The following FNDC7 variants were observed in gnomAD, a reference collection of about 807,000 sequenced individuals.
FNDC7 encodes fibronectin type III domain-containing protein 7.
In FNDC7, 66 loss-of-function variants were observed where a neutral mutation model predicts 74.2. The ratio of observed to expected loss-of-function variants is 0.89; its 90% CI spans 0.73 to 1.09. The LOEUF is 1.09. FNDC7 is among the 50% of genes least tolerant of loss of function. The pLI is 0.00. For missense variants in FNDC7, 829 were observed against 893.4 expected, an observed-to-expected ratio of 0.93 and a Z score of 0.92; for synonymous variants, 307 against 330.2, an observed-to-expected ratio of 0.93 and a Z score of 0.76.
At chr1:108,729,914 T>C (rs1193286207) in intron 8 of FNDC7, among the ~76,000 whole-genome samples, 2 of 152,200 alleles carry the variant, frequency 1.3e-5, no homozygotes, top group East Asian at 3.8e-4. Flanking sequence ...AATGGGTCCC[T>C]GAAAAGTCAA....
At chr1:108,715,317 A>G (rs1660949597) in intron 2 of FNDC7, among the ~76,000 whole-genome samples, 1 of 152,194 alleles carries the variant, frequency 6.6e-6, no homozygotes, top group South Asian at 2.1e-4. Flanking sequence ...TTGCACATCT[A>G]GGGAATAAAG....
At chr1:108,722,174 A>G (rs1001563956) in intron 4 of FNDC7, among the ~76,000 whole-genome samples, 161 bp from the exon 5 acceptor site, 7 of 152,232 alleles carry the variant, frequency 4.6e-5, no homozygotes, top group African/African-American at 1.7e-4. Context: ...ATGAATTACC[A>G]GTTCCCAGGC....
In FNDC7 at chr1:108,728,866, A is replaced by AC; in HGVS notation, c.1605dup (p.Ser536GlnfsTer49). On this transcript the variant is annotated frameshift_variant, in exon 8 of 13. Transcript: ENST00000370017. LOFTEE classifies it high-confidence loss of function. The stretch of plus-strand genomic sequence containing the variant: ...CAGGCAGGACGGAGCCTGCCCAGCT[A>AC]CAGTGTGCCCCTGGAAACAGGTATG... 1 of 1,614,146 alleles carries AC rather than the reference A, an allele frequency of 6.2e-7. No homozygotes were observed. The highest frequency in any genetic ancestry group is 8.5e-7 in the Non-Finnish European group (1 of 1,180,012).
intron 10 of FNDC7, among the ~76,000 whole-genome samples, chr1:108,733,979 C>T (rs1176027564): frequency 6.6e-6 from 1 of 152,128 alleles, no homozygotes; most frequent in African/African-American, 2.4e-5. Flanking sequence ...ACAGCACAGG[C>T]AGATTCTGGC....
intron 2 of FNDC7, among the ~76,000 whole-genome samples, chr1:108,717,302 G>A (rs543658136): frequency 9.2e-5 from 14 of 152,342 alleles, no homozygotes; most frequent in African/African-American, 3.4e-4. Flanking sequence ...CAGCCACTGA[G>A]CGGAGGCAGG....
Position 108,728,665 on chromosome 1 carries a change from G to A in FNDC7, c.1403G>A (p.Arg468Lys). 2.5e-6 allele frequency: 4 copies of A among 1,614,228 alleles called. No homozygotes were observed. The highest frequency in any genetic ancestry group is 3.4e-6 in the Non-Finnish European group (4 of 1,180,032). The change falls in exon 8 of 13, where the codon AGG becomes AAG. Residue 468 changes from arginine to lysine, a missense_variant. Physicochemically the swap from Arg to Lys is conservative, Grantham distance 26. Transcript: ENST00000370017. ...PCSPEIKNVS[R>K]DAFSMINVHW... ...AGTCCTGAAATAAAAAATGTTTCAA[G>A]GGATGCATTCTCCATGATTAATGTG... is the stretch of plus-strand genomic sequence containing the variant.
chr1:108,716,539 G>A (rs1029596052), intron 2 of FNDC7, among the ~76,000 whole-genome samples: 6 of 152,098 alleles, frequency 3.9e-5, no homozygotes. Context: ...AATGGCAAAA[G>A]AGACTATCCT....
chr1:108,718,767 G>A lies in FNDC7; in HGVS notation c.338-22G>A, dbSNP rs1200601048. 3.9e-6 allele frequency: 6 copies of A among 1,548,436 alleles called. No individual in the cohort carries two copies. In the South Asian group the frequency reaches 4.8e-5, roughly 12 times the overall value. On this transcript the variant is annotated intron_variant, in intron 3 of 12. Transcript: ENST00000370017. The stretch of plus-strand genomic sequence containing the variant: ...TCTATTGGACTTTGGTAACACAAAT[G>A]CATGTGTTTTTATTTTTTTAGTGTT...
chr1:108,733,611 A>T, intron 10 of FNDC7, 79 bp downstream of exon 10: 2 of 1,425,030 alleles, frequency 1.4e-6, no homozygotes, highest in South Asian at 2.5e-5. Context: ...AAACTTATTT[A>T]CTATGTATGA....
chr1:108,740,215 A>T, intron 11 of FNDC7, among the ~76,000 whole-genome samples: 1 of 151,284 alleles, frequency 6.6e-6, no homozygotes, highest in East Asian at 1.9e-4. Flanking sequence ...CTGGGCTGAC[A>T]TTGGAGCCTC....
chr1:108,717,072 C>T (rs970178563), intron 2 of FNDC7, among the ~76,000 whole-genome samples: 17 of 152,242 alleles, frequency 1.1e-4, no homozygotes, highest in Non-Finnish European at 2.4e-4. Flanking sequence ...AACCATAGCC[C>T]GGCCCATCAC....
At chr1:108,740,597 G>A (rs1259628990) in intron 11 of FNDC7, among the ~76,000 whole-genome samples, 2 of 151,984 alleles carry the variant, frequency 1.3e-5, no homozygotes, top group African/African-American at 4.8e-5. Flanking sequence ...CGAAGTGCTG[G>A]GATTACAGGC....
rs181216614 is a variant in FNDC7 at position 108,739,292 on chromosome 1, T to C, written c.2170+1768T>C. ...AAGCAGGATTGCTTGAGCCCTGGAG[T>C]TGGAGACCAGCCTGGCCAACAAAAC... On this transcript the variant is annotated intron_variant, in intron 11 of 12. Coordinates refer to ENST00000370017, the MANE Select transcript of FNDC7 (RefSeq NM_001144937.3). Among the ~76,000 whole-genome samples the C allele has an allele frequency of 2.0e-3, 310 of 152,044 alleles. 1 individual carries two copies. Among genetic ancestry groups the C allele is most frequent in the Middle Eastern group, 3.4e-3 (1 of 294 alleles).
At chr1:108,714,297 A>G (rs889318645) in intron 2 of FNDC7, among the ~76,000 whole-genome samples, 1 of 152,256 alleles carries the variant, frequency 6.6e-6, no homozygotes, top group Non-Finnish European at 1.5e-5. Flanking sequence ...AAGTGAAATT[A>G]AGACAGTTAA....
chr1:108,737,353 T>C, intron 10 of FNDC7, 142 bp from the exon 11 acceptor site: 1 of 591,912 alleles, frequency 1.7e-6, no homozygotes, highest in African/African-American at 1.9e-5. Flanking sequence ...CTGCTAGTAG[T>C]ATCTCCTTCT....
rs149715075 is a variant in FNDC7, at chr1:108,742,019, AG to A, written c.*133del. The A allele has an allele frequency of 9.1e-3, 5,371 of 590,070 alleles. 84 individuals are homozygous for A. The highest frequency in any genetic ancestry group is 0.05 in the African/African-American group (2,667 of 53,562). The allele number at this position is 590,070 out of a possible 1,614,324, so 36.6% of individuals were successfully genotyped here. ...GATAGGAAAAGCTCCTTTGGCCTTT[AG>A]AAGAACAACTCTGACTCTGCTTCCT... On this transcript the variant is annotated 3_prime_UTR_variant, in exon 13 of 13. Transcript: ENST00000370017.
At chr1:108,722,680 T>C in intron 5 of FNDC7, 88 bp downstream of exon 5, 7 of 1,383,404 alleles carry the variant, frequency 5.1e-6, no homozygotes, top group Non-Finnish European at 6.7e-6. Context: ...CTGAATACTC[T>C]GGAAAAAATG....
At position 108,733,479 on chromosome 1, in the gene FNDC7, C is replaced by T; in HGVS notation, c.2087C>T (p.Pro696Leu). The T allele has an allele frequency of 6.2e-7, 1 of 1,614,046 alleles. No individual in the cohort carries two copies. Among genetic ancestry groups the T allele is most frequent in the East Asian group, 2.2e-5 (1 of 44,872 alleles). The change falls in exon 10 of 13, where the codon CCA (proline) becomes CTA (leucine). Residue 696 changes from proline to leucine, a missense_variant. Coordinates refer to ENST00000370017, the MANE Select transcript of FNDC7 (RefSeq NM_001144937.3). ...CGDVYTVMVS[P>L]VAKTGLKLTF... is the part of the protein sequence containing the mutation. ...GATGTATACACTGTGATGGTCTCACCAGTTGCTAAAACAGGATTGAAGCTT... is the reference window on the plus strand; with the variant it reads ...GATGTATACACTGTGATGGTCTCACTAGTTGCTAAAACAGGATTGAAGCTT...
chr1:108,730,798 T>A lies in FNDC7; in HGVS notation c.1749T>A (p.Ser583=). ...VAVLESHTGQ[S]KCHTHQNHCL... ...TTCTGGAGTCACACACTGGACAGTCTAAGTGTCACACTCATCAAAACCACT... is the reference window on the plus strand; with the variant it reads ...TTCTGGAGTCACACACTGGACAGTCAAAGTGTCACACTCATCAAAACCACT... The change falls in exon 9 of 13, where the codon TCT becomes TCA. Residue 583 remains serine, a synonymous_variant. Coordinates refer to ENST00000370017, the MANE Select transcript of FNDC7 (RefSeq NM_001144937.3). 2 of 1,614,160 alleles carry A rather than the reference T, an allele frequency of 1.2e-6. No individual in the cohort carries two copies. The highest frequency in any genetic ancestry group is 4.5e-5 in the East Asian group (2 of 44,872).
Sources: allele counts gnomAD v4.1 joint callset (sites outside exome capture counted in the v4.1 genomes callset), GRCh38; gene constraint gnomAD v4.1.1; transcripts MANE v1.5; gene names NCBI Gene and HGNC (gene_info 2026-07-23, HGNC 2026-07-21).